ARCN1: variants seen among roughly 807,000 people sequenced by gnomAD.
ARCN1 encodes the protein coatomer subunit delta.
In ARCN1, 5 loss-of-function variants were observed where a neutral mutation model predicts 60.4. That is an observed-to-expected ratio of 0.08 (90% CI 0.04 to 0.17). The LOEUF is 0.17. Among genes scored for constraint, ARCN1 ranks in the 10% least tolerant of loss-of-function variants. The pLI, the probability that ARCN1 is intolerant of heterozygous loss-of-function variation, is 1.00. For missense variants in ARCN1, 464 were observed against 626.5 expected, an observed-to-expected ratio of 0.74 and a Z score of 2.77; for synonymous variants, 224 against 220.0, an observed-to-expected ratio of 1.02 and a Z score of -0.16.
intron 8 of ARCN1, among the ~76,000 whole-genome samples, chr11:118,596,140 G>A (rs1939021553): frequency 6.6e-6 from 1 of 151,710 alleles, no homozygotes; most frequent in African/African-American, 2.4e-5. Context: ...TACATTATCA[G>A]GTCTGGTTTT....
At chr11:118,574,513 C>T (rs1454039200) in intron 1 of ARCN1, among the ~76,000 whole-genome samples, 1 of 151,902 alleles carries the variant, frequency 6.6e-6, no homozygotes, top group African/African-American at 2.4e-5. Context: ...TATATTTTAT[C>T]ATGCATCTAA....
rs1938363776 is a variant in ARCN1, at chr11:118,572,446, A to G, written c.-102A>G. ...GGCGAAGCGGCAGCGGTTCCTGTCAAGGGGGCAGCAGGTCCAGAGCTGCTG... is the reference window on the plus strand; with the variant it reads ...GGCGAAGCGGCAGCGGTTCCTGTCAGGGGGGCAGCAGGTCCAGAGCTGCTG... On this transcript the variant is annotated 5_prime_UTR_variant, in exon 1 of 10. Transcript: ENST00000264028. 8.1e-6 allele frequency: 10 copies of G among 1,227,900 alleles called. No individual in the cohort carries two copies. Among genetic ancestry groups the G allele is most frequent in the South Asian group, 5.6e-5 (4 of 71,318 alleles). The allele number at this position is 1,227,900 out of a possible 1,614,324, so 76.1% of individuals were successfully genotyped here.
chr11:118,599,303 G>A (rs1939099565), intron 9 of ARCN1, among the ~76,000 whole-genome samples: 1 of 152,070 alleles, frequency 6.6e-6, no homozygotes, highest in Admixed American at 6.6e-5. Flanking sequence ...ATGTTGGCCA[G>A]GCTGGTCTCA....
Position 118,601,367 on chromosome 11 carries a change from T to C in ARCN1, c.*653T>C, listed in dbSNP as rs184371048. On this transcript the variant is annotated 3_prime_UTR_variant, in exon 10 of 10. Transcript: ENST00000264028. ...ATGAGCCACCATGCCCAGCTGCTCCTTTATTTTAATCCCTAAATATAATCC... is the reference window on the plus strand; with the variant it reads ...ATGAGCCACCATGCCCAGCTGCTCCCTTATTTTAATCCCTAAATATAATCC... 3.4e-5 allele frequency: 17 copies of C among 502,874 alleles called. No individual in the cohort carries two copies. The East Asian group carries it at 8.4e-4, about 25-fold the overall frequency. 31.2% of individuals were successfully genotyped at this position (502,874 alleles called of 1,614,324 possible).
intron 6 of ARCN1, 70 bp downstream of exon 6, chr11:118,590,576 T>A: frequency 6.6e-7 from 1 of 1,503,806 alleles, no homozygotes; most frequent in Admixed American, 1.9e-5. Flanking sequence ...CAACTAGAGT[T>A]CCCAATATGA....
chr11:118,597,702 A>G lies in ARCN1; in HGVS notation c.1242-5A>G. On this transcript the variant is annotated splice_region_variant and splice_polypyrimidine_tract_variant and intron_variant, in intron 8 of 9. Coordinates refer to ENST00000264028, the MANE Select transcript of ARCN1 (RefSeq NM_001655.5). ...CTACCTTGACCAGAATGTTTCTCAC[A>G]ACAGGTCTGGTGTCGGCGCGCCTGT... 6.2e-7 allele frequency: 1 copy of G among 1,613,804 alleles called. No individual in the cohort carries two copies. Among genetic ancestry groups the G allele is most frequent in the Non-Finnish European group, 8.5e-7 (1 of 1,179,928 alleles).
chr11:118,577,318 C>G (rs189685554), intron 1 of ARCN1, among the ~76,000 whole-genome samples: 1 of 151,858 alleles, frequency 6.6e-6, no homozygotes, highest in Admixed American at 6.6e-5. Flanking sequence ...ATGATCTTGG[C>G]TTACTGCAAC....
chr11:118,587,492 T>A (rs193239535), intron 5 of ARCN1, among the ~76,000 whole-genome samples: 13 of 152,292 alleles, frequency 8.5e-5, no homozygotes, highest in South Asian at 4.1e-4. Flanking sequence ...TGCAGAGATA[T>A]GACATCTAAA....
At chr11:118,581,937 G>GACACACACACACACACACACACAC (rs34532442) in intron 2 of ARCN1, among the ~76,000 whole-genome samples, 4 of 140,806 alleles carry the variant, frequency 2.8e-5, no homozygotes, top group East Asian at 5.2e-4. Context: ...CAGACAGACA[G>GACACACACACACACACACACACAC]ACACACACAC....
intron 5 of ARCN1, among the ~76,000 whole-genome samples, chr11:118,586,723 A>C (rs1301682441): frequency 6.6e-6 from 1 of 151,888 alleles, no homozygotes; most frequent in African/African-American, 2.4e-5. Flanking sequence ...GTGGTGGCAC[A>C]CACCTGTAGT....
intron 1 of ARCN1, among the ~76,000 whole-genome samples, chr11:118,576,147 C>A (rs1412849968): frequency 2.0e-5 from 3 of 151,604 alleles, no homozygotes; most frequent in Non-Finnish European, 4.4e-5. Flanking sequence ...AGAACAGAAA[C>A]CTAATTCTCC....
At chr11:118,584,775 G>A (rs1938739659) in intron 5 of ARCN1, 131 bp downstream of exon 5, 5 of 871,946 alleles carry the variant, frequency 5.7e-6, no homozygotes. Flanking sequence ...GATTTATTCA[G>A]AGCAGATTCT....
intron 9 of ARCN1, among the ~76,000 whole-genome samples, chr11:118,599,457 C>G (rs1939104785): frequency 6.6e-6 from 1 of 151,870 alleles, no homozygotes; most frequent in South Asian, 2.1e-4. Flanking sequence ...GAGACGGAGT[C>G]TTGCTCTGTC....
At position 118,572,856 on chromosome 11, in the gene ARCN1, G is replaced by A. The variant is rs965013510; in HGVS notation, c.3+306G>A. ...TTTTGCTCTGCGAGAACTTCGTGGT[G>A]GTGGTGCGGGTCCCAGGCTGCGGAC... On this transcript the variant is annotated intron_variant, in intron 1 of 9. Transcript: ENST00000264028. 1.5e-5 allele frequency: 6 copies of A among 402,176 alleles called. No individual in the cohort carries two copies. The Admixed American group carries it at 1.7e-4, about 11-fold the overall frequency. The allele number at this position is 402,176 out of a possible 1,614,324, so 24.9% of individuals were successfully genotyped here. A position where few individuals can be genotyped will look rare whatever the true frequency, so the allele number is the denominator to read the frequency against.
chr11:118,572,450 G>A lies in ARCN1; in HGVS notation c.-98G>A, dbSNP rs1859084389. Reference sequence around the variant, plus strand: ...AAGCGGCAGCGGTTCCTGTCAAGGGGGCAGCAGGTCCAGAGCTGCTGGTGC... The same window carrying A: ...AAGCGGCAGCGGTTCCTGTCAAGGGAGCAGCAGGTCCAGAGCTGCTGGTGC... On this transcript the variant is annotated 5_prime_UTR_variant, in exon 1 of 10. Transcript: ENST00000264028. The A allele has an allele frequency of 2.2e-5, 29 of 1,331,448 alleles. No individual in the cohort carries two copies. The highest frequency in any genetic ancestry group is 2.9e-5 in the Non-Finnish European group (28 of 962,632). The allele number at this position is 1,331,448 out of a possible 1,614,324, so 82.5% of individuals were successfully genotyped here.
intron 1 of ARCN1, 99 bp downstream of exon 1, chr11:118,572,649 G>C: frequency 6.7e-7 from 1 of 1,494,968 alleles, no homozygotes; most frequent in Non-Finnish European, 9.1e-7. Flanking sequence ...CCCGCCCTGA[G>C]GGTCTAGGGC....
Position 118,583,955 on chromosome 11 carries a change from C to T in ARCN1, c.594C>T (p.Ala198=), listed in dbSNP as rs185950602. ...CAGTATCTGGAGGCAGCACAGCTGC[C>T]ATGATCACAGAGACCATCATTGAAA... ...SSAVSGGSTA[A]MITETIIETD... is the part of the protein sequence containing the mutation. Residue 198 remains alanine, a synonymous_variant, in exon 4 of 10, where the codon GCC becomes GCT. Coordinates refer to ENST00000264028, the MANE Select transcript of ARCN1 (RefSeq NM_001655.5). 3 of 1,614,200 alleles carry T rather than the reference C, an allele frequency of 1.9e-6. No homozygotes were observed. The highest frequency in any genetic ancestry group is 2.5e-6 in the Non-Finnish European group (3 of 1,180,052).
At chr11:118,582,774 C>T (rs1183542476) in intron 2 of ARCN1, among the ~76,000 whole-genome samples, 1 of 149,216 alleles carries the variant, frequency 6.7e-6, no homozygotes, top group Admixed American at 6.7e-5. Flanking sequence ...GGCGCAGTGG[C>T]TCACGCCTGT....
chr11:118,582,154 A>T lies in ARCN1; in HGVS notation c.267+645A>T, dbSNP rs545083467. ...GCAAGACCCTGATTCTTTTTTTTTTAAAGACGGAGTCTCGCTCTTGCCCTG... is the reference window on the plus strand; with the variant it reads ...GCAAGACCCTGATTCTTTTTTTTTTTAAGACGGAGTCTCGCTCTTGCCCTG... On this transcript the variant is annotated intron_variant, in intron 2 of 9. Transcript: ENST00000264028. Among the ~76,000 whole-genome samples, 156 of 151,550 alleles carry T rather than the reference A, an allele frequency of 1.0e-3. 1 individual carries two copies. Among genetic ancestry groups the T allele is most frequent in the African/African-American group, 3.7e-3 (154 of 41,368 alleles).
Sources: allele counts gnomAD v4.1 joint callset (sites outside exome capture counted in the v4.1 genomes callset), GRCh38; gene constraint gnomAD v4.1.1; transcripts MANE v1.5; gene names NCBI Gene and HGNC (gene_info 2026-07-23, HGNC 2026-07-21).